The following GAS7 variants were observed in gnomAD, a reference collection of about 807,000 sequenced individuals.
GAS7 encodes the protein growth arrest specific 7.
GAS7 carries 28 observed loss-of-function variants against 71.1 expected under a neutral mutation model. The ratio of observed to expected loss-of-function variants is 0.39; its 90% CI spans 0.29 to 0.54. The LOEUF (loss-of-function observed/expected upper bound fraction) is 0.54, where lower values mean the gene tolerates loss of function less well. Among genes scored for constraint, GAS7 ranks in the 20% least tolerant of loss-of-function variants. The pLI is 0.62. For synonymous variants in GAS7, 258 were observed against 245.8 expected, an observed-to-expected ratio of 1.05 and a Z score of -0.46; for missense variants, 436 against 627.8, an observed-to-expected ratio of 0.69 and a Z score of 3.27.
intron 1 of GAS7, among the ~76,000 whole-genome samples, chr17:10,070,394 C>T (rs141919003): frequency 0.013 from 1,723 of 133,366 alleles, 60 homozygotes; most frequent in East Asian, 0.083. Context: ...GATGGAGTCT[C>T]GCTCTGTCAC....
At chr17:10,063,615 C>T (rs1480878250) in intron 1 of GAS7, among the ~76,000 whole-genome samples, 1 of 152,134 alleles carries the variant, frequency 6.6e-6, no homozygotes, top group African/African-American at 2.4e-5. Context: ...CTAATAATGG[C>T]GGTGCCGAGA....
chr17:10,140,637 C>T (rs16959358), intron 1 of GAS7, among the ~76,000 whole-genome samples: 20,441 of 152,106 alleles, frequency 0.13, 2,663 homozygotes, highest in East Asian at 0.47. Context: ...CCTACATCTA[C>T]GTTTCTGTCT....
intron 5 of GAS7, among the ~76,000 whole-genome samples, chr17:9,957,579 C>G (rs1225407228): frequency 2.0e-5 from 3 of 149,572 alleles, no homozygotes; most frequent in Non-Finnish European, 4.5e-5. Context: ...TCCGACCTCC[C>G]CCCCTTTCTC....
chr17:10,029,819 T>A (rs974865777), intron 1 of GAS7, among the ~76,000 whole-genome samples: 1 of 151,586 alleles, frequency 6.6e-6, no homozygotes, highest in Non-Finnish European at 1.5e-5. Context: ...GCCACTGCAC[T>A]CCAGCCTGGG....
chr17:9,959,129 C>T lies in GAS7; in HGVS notation c.525+73G>A, dbSNP rs563921231. ...ATCACTTCTGCTTGGCGGTCCACAT[C>T]GCCATGGCAACAGCCCAGCCAAATG... On this transcript the variant is annotated intron_variant, in intron 5 of 13. Transcript: ENST00000432992. The surrounding 1 kb of genome is among the most constrained non-coding windows in gnomAD (Gnocchi z 5.0). 202 of 1,528,212 alleles carry T rather than the reference C, an allele frequency of 1.3e-4. 1 individual carries two copies. In the African/African-American group the frequency reaches 2.4e-3, roughly 18 times the overall value. 94.7% of individuals were successfully genotyped at this position (1,528,212 alleles called of 1,614,324 possible).
At chr17:10,175,870 G>T (rs1345233724) in intron 1 of GAS7, among the ~76,000 whole-genome samples, 1 of 152,138 alleles carries the variant, frequency 6.6e-6, no homozygotes, top group African/African-American at 2.4e-5. Context: ...CTAGGGGTTG[G>T]GACTTCAAAT....
At chr17:10,190,535 G>A (rs955665841) in intron 1 of GAS7, among the ~76,000 whole-genome samples, 4 of 150,774 alleles carry the variant, frequency 2.7e-5, no homozygotes, top group Non-Finnish European at 5.9e-5. Flanking sequence ...AGCCAAGATC[G>A]TGCCTTTACA....
intron 2 of GAS7, among the ~76,000 whole-genome samples, chr17:10,005,114 T>C (rs1347296108): frequency 2.4e-5 from 3 of 127,162 alleles, no homozygotes; most frequent in African/African-American, 3.5e-5. Flanking sequence ...TGTGTGTGCG[T>C]GTGCACGCAT....
chr17:10,162,066 C>CAAAA (rs58368044), intron 1 of GAS7, among the ~76,000 whole-genome samples: 16,201 of 103,142 alleles, frequency 0.16, 1,237 homozygotes, highest in Middle Eastern at 0.22. Flanking sequence ...GACTCCATCT[C>CAAAA]AAAAAAAAAA....
chr17:10,183,934 T>C (rs544932324), intron 1 of GAS7, among the ~76,000 whole-genome samples: 3 of 152,174 alleles, frequency 2.0e-5, no homozygotes, highest in South Asian at 4.1e-4. Flanking sequence ...TGCCACCCTC[T>C]TGCCAAGCAC....
At chr17:10,022,686 T>C (rs2072315742) in intron 1 of GAS7, among the ~76,000 whole-genome samples, 1 of 152,174 alleles carries the variant, frequency 6.6e-6, no homozygotes. Context: ...GCAGCGCCTG[T>C]CCTGAGGGAT....
intron 1 of GAS7, among the ~76,000 whole-genome samples, chr17:10,067,752 C>A (rs945424613): frequency 5.3e-5 from 8 of 152,214 alleles, no homozygotes; most frequent in African/African-American, 1.9e-4. Flanking sequence ...CCCAGACACT[C>A]TCCATTAACC....
At chr17:10,162,701 T>C (rs904769584) in intron 1 of GAS7, among the ~76,000 whole-genome samples, 2 of 152,236 alleles carry the variant, frequency 1.3e-5, no homozygotes, top group African/African-American at 2.4e-5. Flanking sequence ...CAGAAATTAG[T>C]TGCCTATTAA....
chr17:10,055,475 T>G (rs1252539819), intron 1 of GAS7, among the ~76,000 whole-genome samples: 4 of 152,172 alleles, frequency 2.6e-5, no homozygotes, highest in African/African-American at 9.7e-5. Flanking sequence ...CCAGTTGGCT[T>G]GTTCATCCCT....
chr17:9,928,328 T>A (rs912160422), intron 9 of GAS7, among the ~76,000 whole-genome samples: 1 of 151,694 alleles, frequency 6.6e-6, no homozygotes, highest in African/African-American at 2.4e-5. Context: ...TTCACCGTGT[T>A]AGTCAGGATG....
chr17:9,942,329 G>A (rs2152092776), intron 7 of GAS7, among the ~76,000 whole-genome samples: 1 of 152,176 alleles, frequency 6.6e-6, no homozygotes, highest in South Asian at 2.1e-4. Flanking sequence ...GGAAAGTTGT[G>A]TGTTTGTGTG....
intron 9 of GAS7, among the ~76,000 whole-genome samples, chr17:9,928,823 G>C (rs2068106086): frequency 6.6e-6 from 1 of 152,214 alleles, no homozygotes; most frequent in Non-Finnish European, 1.5e-5. Context: ...GGCTGGGGCT[G>C]GGTGGGTGCC....
chr17:10,136,127 T>C (rs948813628), intron 1 of GAS7, among the ~76,000 whole-genome samples: 27 of 152,200 alleles, frequency 1.8e-4, no homozygotes, highest in Non-Finnish European at 3.4e-4. Flanking sequence ...AATGTCCCCA[T>C]GGCGAAGTGT....
chr17:9,970,131 C>T lies in GAS7; in HGVS notation c.386-369G>A, dbSNP rs78218849. Among the ~76,000 whole-genome samples, 1,050 of 152,214 alleles carry T rather than the reference C, an allele frequency of 6.9e-3. 40 individuals are homozygous for T. The East Asian group carries it at 0.12, about 17-fold the overall frequency. On this transcript the variant is annotated intron_variant, in intron 3 of 13. Coordinates refer to ENST00000432992, the MANE Select transcript of GAS7 (RefSeq NM_201433.2). Reference sequence around the variant, plus strand: ...CGGGTCCAATCTCCCTCCGTAGAGTCGGGGCGGGGGGCTCTCCACCACCTT... The same window carrying T: ...CGGGTCCAATCTCCCTCCGTAGAGTTGGGGCGGGGGGCTCTCCACCACCTT...
Sources: gnomAD v4.1 joint callset for allele counts (sites outside exome capture counted in the v4.1 genomes callset) on GRCh38, gnomAD v4.1.1 for gene constraint, Gnocchi (gnomAD v3.1) non-coding constraint, MANE v1.5 for transcripts, NCBI Gene and HGNC (gene_info 2026-07-23, HGNC 2026-07-21) for gene names.